Variants in MTHFD1 observed in about 807,000 individuals in gnomAD.
MTHFD1 encodes the protein C-1-tetrahydrofolate synthase, cytoplasmic.
A neutral mutation model predicts 110.3 loss-of-function variants in MTHFD1; 44 were observed. The observed-to-expected ratio is 0.40, with a 90% confidence interval of 0.31 to 0.51. The LOEUF (loss-of-function observed/expected upper bound fraction) is 0.51. MTHFD1 is among the 20% of genes least tolerant of loss of function. The pLI is 0.60. For synonymous variants in MTHFD1, 402 were observed against 428.8 expected (o/e 0.94, Z 0.77); for missense variants, 909 against 1,173.1 (o/e 0.77, Z 3.29).
At chr14:64,445,718 C>T (rs1427502267) in intron 22 of MTHFD1, among the ~76,000 whole-genome samples, 1 of 152,202 alleles carries the variant, frequency 6.6e-6, no homozygotes, top group African/African-American at 2.4e-5. Flanking sequence ...GGGGAATTCA[C>T]AGTTCTGGCC....
At chr14:64,388,717 A>C in intron 1 of MTHFD1, 1 of 583,936 alleles carries the variant, frequency 1.7e-6, no homozygotes, top group Non-Finnish European at 3.1e-6. Flanking sequence ...ATGCTCCCAA[A>C]CGCGCAGCTG....
intron 1 of MTHFD1, among the ~76,000 whole-genome samples, chr14:64,392,321 G>A (rs2077813103): frequency 6.6e-6 from 1 of 152,202 alleles, no homozygotes; most frequent in South Asian, 2.1e-4. Flanking sequence ...TGCAAAGTGG[G>A]AGAAGGATGT....
chr14:64,445,914 C>A (rs1295425816), intron 22 of MTHFD1, among the ~76,000 whole-genome samples: 1 of 152,154 alleles, frequency 6.6e-6, no homozygotes, highest in Non-Finnish European at 1.5e-5. Flanking sequence ...TCAAATAAAT[C>A]ATAATCTCAG....
intron 2 of MTHFD1, among the ~76,000 whole-genome samples, chr14:64,405,218 A>G (rs2077927409): frequency 6.6e-6 from 1 of 152,218 alleles, no homozygotes; most frequent in Non-Finnish European, 1.5e-5. Context: ...TTGTAGAAAG[A>G]GTAAATGTCA....
intron 12 of MTHFD1, among the ~76,000 whole-genome samples, chr14:64,428,102 G>GTTTTT (rs11289659): frequency 1.5e-4 from 11 of 74,720 alleles, no homozygotes; most frequent in African/African-American, 2.5e-4. Flanking sequence ...AAGAACATGT[G>GTTTTT]TTTTTTTTTT....
At chr14:64,388,513 G>T (rs753188070) in intron 1 of MTHFD1, 45 bp downstream of exon 1, 1 of 1,582,370 alleles carries the variant, frequency 6.3e-7, no homozygotes, top group Non-Finnish European at 8.7e-7. Flanking sequence ...GTGGACGAGG[G>T]CTCTGAGGGT....
chr14:64,434,017 G>T (rs1386223935), intron 15 of MTHFD1, among the ~76,000 whole-genome samples: 2 of 152,062 alleles, frequency 1.3e-5, no homozygotes, highest in Admixed American at 1.3e-4. Context: ...GTGACAGACA[G>T]AGACTGTCTC....
chr14:64,414,095 A>G (rs2078006357), intron 4 of MTHFD1, among the ~76,000 whole-genome samples: 1 of 152,160 alleles, frequency 6.6e-6, no homozygotes, highest in African/African-American at 2.4e-5. Flanking sequence ...CCCAGGTTCA[A>G]GCGATTCTCA....
At chr14:64,413,412 T>C (rs1471804287) in intron 4 of MTHFD1, among the ~76,000 whole-genome samples, 1 of 152,154 alleles carries the variant, frequency 6.6e-6, no homozygotes, top group Admixed American at 6.5e-5. Flanking sequence ...AAACCAAATA[T>C]GTATTCCTTT....
intron 8 of MTHFD1, among the ~76,000 whole-genome samples, chr14:64,423,188 A>G (rs1346715859): frequency 6.6e-6 from 1 of 152,134 alleles, no homozygotes; most frequent in Non-Finnish European, 1.5e-5. Context: ...ACTTGAAACC[A>G]TCCCAATGAG....
At chr14:64,425,871 G>A in intron 10 of MTHFD1, 44 bp downstream of exon 10, 1 of 1,596,230 alleles carries the variant, frequency 6.3e-7, no homozygotes, top group South Asian at 1.1e-5. Context: ...TGAATTGTTG[G>A]TTTTTAGTTG....
In MTHFD1 at chr14:64,431,583, C is replaced by T. The variant is rs1278928695; in HGVS notation, c.1363C>T (p.Leu455Phe). Residue 455 changes from leucine to phenylalanine, a missense_variant, in exon 14 of 28, where the codon CTC becomes TTC. Leu to Phe is a conservative substitution (Grantham distance 22, BLOSUM62 0). This residue lies in a region of MTHFD1 where 482 missense variants were observed against 646.0 expected (regional missense o/e 0.75). Coordinates refer to ENST00000652337, the MANE Select transcript of MTHFD1 (RefSeq NM_005956.4). ...DIHAITAANN[L>F]VAAAIDARIF... ...CCATGCCATCACTGCAGCTAATAAC[C>T]TCGTTGCTGCGGCCATTGATGCTCG... 12 of 1,614,192 alleles carry T rather than the reference C, an allele frequency of 7.4e-6. No homozygotes were observed. The highest frequency in any genetic ancestry group is 1.0e-5 in the Non-Finnish European group (12 of 1,180,032).
chr14:64,422,846 A>T (rs1455307000), intron 8 of MTHFD1: 4 of 152,108 alleles, frequency 2.6e-5, no homozygotes, highest in African/African-American at 7.2e-5. Context: ...TTTTCCACTG[A>T]CCACATCATC....
chr14:64,412,720 C>T (rs2077994355), intron 4 of MTHFD1, among the ~76,000 whole-genome samples, 195 bp downstream of exon 4: 1 of 150,122 alleles, frequency 6.7e-6, no homozygotes, highest in South Asian at 2.1e-4. Flanking sequence ...TCTCTGCAAC[C>T]TCCGCCTCCC....
Position 64,400,781 on chromosome 14 carries a change from CT to C in MTHFD1, c.42-7del. 1.9e-6 allele frequency: 3 copies of C among 1,600,882 alleles called. No homozygotes were observed. The highest frequency in any genetic ancestry group is 2.6e-6 in the Non-Finnish European group (3 of 1,168,326). ...CATTCAGTGTTAACCCCACCCTTTC[CT>C]TTTTCTCTAGGCAAATAAGGGCGAG... On this transcript the variant is annotated splice_polypyrimidine_tract_variant and intron_variant, in intron 1 of 27. Transcript: ENST00000652337.
intron 15 of MTHFD1, 56 bp from the exon 16 acceptor site, chr14:64,435,513 C>G (rs548366933): frequency 2.5e-6 from 3 of 1,223,310 alleles, no homozygotes; most frequent in East Asian, 4.7e-5. Flanking sequence ...TTTTGTCTTA[C>G]GTTTATTGTG....
chr14:64,447,385 A>G (rs2078299254), intron 22 of MTHFD1, among the ~76,000 whole-genome samples: 1 of 148,622 alleles, frequency 6.7e-6, no homozygotes, highest in African/African-American at 2.5e-5. Flanking sequence ...TAATCTCTTG[A>G]CCTTGTGATC....
At chr14:64,426,545 ACCACAACCTCTGTCT>A (rs1186532922) in intron 11 of MTHFD1, among the ~76,000 whole-genome samples, 1 of 152,172 alleles carries the variant, frequency 6.6e-6, no homozygotes. Context: ...ATCTCGGCTC[ACCACAACCTCTGTCT>A]CCCAAGTTCA....
chr14:64,423,413 C>CT (rs549281567), intron 8 of MTHFD1, among the ~76,000 whole-genome samples: 12 of 150,134 alleles, frequency 8.0e-5, no homozygotes, highest in Admixed American at 2.0e-4. Context: ...GCAGAACTAA[C>CT]TTTTTTTTTT....
Sources: allele counts gnomAD v4.1 joint callset (sites outside exome capture counted in the v4.1 genomes callset), GRCh38; gene constraint gnomAD v4.1.1; regional missense constraint gnomAD v4.1.1; transcripts MANE v1.5; gene names NCBI Gene and HGNC (gene_info 2026-07-23, HGNC 2026-07-21).